The following SULT6B1 variants were observed in gnomAD, a reference collection of about 807,000 sequenced individuals.
SULT6B1 encodes sulfotransferase 6B1.
SULT6B1 carries 44 observed loss-of-function variants against 37.2 expected under a neutral mutation model. The ratio of observed to expected loss-of-function variants is 1.18; its 90% confidence interval spans 0.93 to 1.52. The LOEUF (loss-of-function observed/expected upper bound fraction) is 1.52, where lower values mean the gene tolerates loss of function less well. SULT6B1 is among the 40% of genes most tolerant of loss of function. SULT6B1 has a pLI of 0.00. For missense variants in SULT6B1, 450 were observed against 361.0 expected (o/e 1.25, Z -2.00); for synonymous variants, 140 against 126.0 (o/e 1.11, Z -0.74).
At chr2:37,189,655 T>C (rs1676742790), upstream of SULT6B1, among the ~76,000 whole-genome samples, 1 of 152,182 alleles carries the variant, frequency 6.6e-6, no homozygotes, top group South Asian at 2.1e-4. Flanking sequence ...TCTAGTGTAG[T>C]GCCCCCAGAA....
intron 1 of SULT6B1, chr2:37,195,926 A>G (rs1676912937): frequency 1.3e-5 from 2 of 151,952 alleles, no homozygotes; most frequent in African/African-American, 4.8e-5. Context: ...GGTTCAAGCG[A>G]TTCTCCTGCC....
upstream of SULT6B1, among the ~76,000 whole-genome samples, chr2:37,189,697 G>A (rs577258487): frequency 4.6e-5 from 7 of 152,262 alleles, no homozygotes; most frequent in South Asian, 4.1e-4. Context: ...CTCTTAATGC[G>A]TGTGCGGGGA....
chr2:37,192,849 T>C (rs1368355261), upstream of SULT6B1, among the ~76,000 whole-genome samples: 5 of 152,314 alleles, frequency 3.3e-5, no homozygotes, highest in African/African-American at 1.2e-4. Context: ...ATGGGAACTC[T>C]GATTCTTAGT....
chr2:37,175,903 A>G (rs1235179520), intron 4 of SULT6B1, among the ~76,000 whole-genome samples: 1 of 152,256 alleles, frequency 6.6e-6, no homozygotes, highest in Non-Finnish European at 1.5e-5. Flanking sequence ...ATATTCACAT[A>G]CGCAACTTAT....
At chr2:37,183,772 T>C (rs969964013) in intron 2 of SULT6B1, among the ~76,000 whole-genome samples, 3 of 152,148 alleles carry the variant, frequency 2.0e-5, no homozygotes, top group African/African-American at 7.2e-5. Context: ...GCCTCCCGAG[T>C]AGCTGGGTTT....
chr2:37,193,216 G>A (rs1212796526), upstream of SULT6B1, among the ~76,000 whole-genome samples: 1 of 151,610 alleles, frequency 6.6e-6, no homozygotes, highest in East Asian at 1.9e-4. Context: ...AGCACTTTGG[G>A]AGGCTGAGGC....
rs751340174 is a variant in SULT6B1, at chr2:37,167,981, G to C, written c.866C>G (p.Thr289Ser). Residue 289 changes from threonine to serine, a missense_variant, in exon 7 of 7, where the codon ACC (threonine) becomes AGC (serine). Coordinates refer to ENST00000535679, the MANE Select transcript of SULT6B1 (RefSeq NM_001367551.1). ...DEKFKECLAGTSLGAKLKYES... is the reference protein window; with the variant it reads ...DEKFKECLAGSSLGAKLKYES... ...ATACTTCAACTTTGCTCCGAGGGAG[G>C]TGCCTGCTAAGCACTCTTTGAATTT... The C allele has an allele frequency of 6.2e-7, 1 of 1,600,008 alleles. No homozygotes were observed. The highest frequency in any genetic ancestry group is 2.3e-5 in the East Asian group (1 of 43,500).
intron 1 of SULT6B1, among the ~76,000 whole-genome samples, chr2:37,194,897 T>TTCCTTCC (rs1676871681): frequency 1.3e-4 from 9 of 68,500 alleles, no homozygotes; most frequent in Non-Finnish European, 2.0e-4. Flanking sequence ...TCCTTCCTTC[T>TTCCTTCC]TTCCTTCCTT....
At chr2:37,193,571 AAAAAGAAG>A (rs1676825055), upstream of SULT6B1, among the ~76,000 whole-genome samples, 3 of 148,734 alleles carry the variant, frequency 2.0e-5, no homozygotes, top group Non-Finnish European at 4.4e-5. Flanking sequence ...TTACCAAAAA[AAAAAGAAG>A]AAAAAGAAGA....
intron 4 of SULT6B1, among the ~76,000 whole-genome samples, chr2:37,177,099 G>T (rs905659030): frequency 6.6e-6 from 1 of 152,118 alleles, no homozygotes; most frequent in African/African-American, 2.4e-5. Flanking sequence ...TCCAAGGATG[G>T]ATAGGGAAAC....
upstream of SULT6B1, among the ~76,000 whole-genome samples, chr2:37,190,555 G>A (rs1676760935): frequency 6.6e-6 from 1 of 152,190 alleles, no homozygotes; most frequent in Non-Finnish European, 1.5e-5. Context: ...TTGCAGTTAG[G>A]TTAATTGAGG....
chr2:37,193,020 G>T (rs1158835031), upstream of SULT6B1, among the ~76,000 whole-genome samples: 1 of 152,184 alleles, frequency 6.6e-6, no homozygotes, highest in Admixed American at 6.5e-5. Context: ...GTCCAGGTGG[G>T]TCTCATGTTA....
chr2:37,190,794 G>A (rs966575398), upstream of SULT6B1, among the ~76,000 whole-genome samples: 5 of 152,066 alleles, frequency 3.3e-5, no homozygotes, highest in Non-Finnish European at 7.4e-5. Flanking sequence ...GGATATCTTG[G>A]GTAATTGCCT....
intron 5 of SULT6B1, among the ~76,000 whole-genome samples, chr2:37,172,328 C>G (rs1285066908): frequency 6.6e-6 from 1 of 152,150 alleles, no homozygotes; most frequent in Non-Finnish European, 1.5e-5. Flanking sequence ...CTATAGAATA[C>G]AGCAGTTCCT....
At chr2:37,191,504 G>C (rs1194937917), upstream of SULT6B1, among the ~76,000 whole-genome samples, 3 of 152,218 alleles carry the variant, frequency 2.0e-5, no homozygotes, top group Non-Finnish European at 1.5e-5. Context: ...CTGCAGGCAC[G>C]AGCAGGAGGC....
At position 37,188,497 on chromosome 2, in the gene SULT6B1, C is replaced by T. The variant is rs190701843; in HGVS notation, c.144G>A (p.Leu48=). The change falls in exon 1 of 7, where the codon CTG becomes CTA. Residue 48 remains leucine (L), a synonymous_variant. Coordinates refer to ENST00000535679, the MANE Select transcript of SULT6B1 (RefSeq NM_001367551.1). The stretch of plus-strand genomic sequence containing the variant: ...CATCATGTCTGGCTTCGAAGGTGTC[C>T]AGCGCTTGGAAAGTTTCTGAGGTGC... ...TMCTSETFQA[L]DTFEARHDDI... is the part of the protein sequence containing the mutation. 3.7e-6 allele frequency: 6 copies of T among 1,614,142 alleles called. No homozygotes were observed. The Admixed American group carries it at 8.3e-5, about 22-fold the overall frequency.
chr2:37,189,472 A>C (rs1676739962), upstream of SULT6B1, among the ~76,000 whole-genome samples: 1 of 152,240 alleles, frequency 6.6e-6, no homozygotes, highest in Non-Finnish European at 1.5e-5. Flanking sequence ...TACAAGTGCA[A>C]AATGTTTAAC....
chr2:37,183,100 T>G (rs939739747), intron 3 of SULT6B1, among the ~76,000 whole-genome samples: 1 of 152,222 alleles, frequency 6.6e-6, no homozygotes, highest in African/African-American at 2.4e-5. Flanking sequence ...GAACAATTTT[T>G]TTCTCATTTT....
At chr2:37,195,969 A>C (rs760725452) in intron 1 of SULT6B1, 12 of 152,342 alleles carry the variant, frequency 7.9e-5, no homozygotes, top group Middle Eastern at 3.4e-3. Flanking sequence ...CTACAGGCGC[A>C]TGCCACTACG....
Sources: gnomAD v4.1 joint callset for allele counts (sites outside exome capture counted in the v4.1 genomes callset) on GRCh38, gnomAD v4.1.1 for gene constraint, MANE v1.5 for transcripts, NCBI Gene and HGNC (gene_info 2026-07-23, HGNC 2026-07-21) for gene names.